ANP32A: variants seen among roughly 807,000 people sequenced by gnomAD.
ANP32A encodes acidic nuclear phosphoprotein 32 family member A.
A neutral mutation model predicts 33.9 loss-of-function variants in ANP32A; 1 was observed. That is an observed-to-expected ratio of 0.03 (90% confidence interval 0.01 to 0.14). The LOEUF (loss-of-function observed/expected upper bound fraction) is 0.14. ANP32A is among the 10% of genes least tolerant of loss of function. The pLI is 1.00. For synonymous variants in ANP32A, 115 were observed against 120.5 expected, an observed-to-expected ratio of 0.95 and a Z score of 0.30; for missense variants, 155 against 306.0, an observed-to-expected ratio of 0.51 and a Z score of 3.68.
At chr15:68,787,239 G>T in intron 3 of ANP32A, 174 bp downstream of exon 3, 1 of 890,002 alleles carries the variant, frequency 1.1e-6, no homozygotes, top group Non-Finnish European at 1.7e-6. Context: ...AACTTCTCTG[G>T]GCCTCAGTTT....
In ANP32A at chr15:68,780,564, AC is replaced by A; in HGVS notation, c.625-92del. 3 of 1,546,022 alleles carry A rather than the reference AC, an allele frequency of 1.9e-6. No homozygotes were observed. The highest frequency in any genetic ancestry group is 1.7e-6 in the Non-Finnish European group (2 of 1,151,404). The stretch of plus-strand genomic sequence containing the variant: ...CACAGAGCACAAAAAGGCCGGGGTC[AC>A]CCCCAGCCTCTCAGAGCCCCCACCA... On this transcript the variant is annotated intron_variant, in intron 5 of 6. Transcript: ENST00000465139. This position sits in a 1 kb window ranked among gnomAD's most constrained non-coding sequence, Gnocchi z 4.3.
At chr15:68,815,948 G>A (rs1202127305) in intron 1 of ANP32A, among the ~76,000 whole-genome samples, 3 of 152,148 alleles carry the variant, frequency 2.0e-5, no homozygotes, top group Non-Finnish European at 4.4e-5. Flanking sequence ...TTTTTTGGCT[G>A]CAGATGCAGA....
In ANP32A at chr15:68,779,924, G is replaced by A. The variant is rs1208794061; in HGVS notation, c.*157C>T. 1.2e-4 allele frequency: 20 copies of A among 167,164 alleles called. No individual in the cohort carries two copies. The highest frequency in any genetic ancestry group is 2.1e-4 in the Admixed American group (3 of 14,148). The allele number at this position is 167,164 out of a possible 1,614,324, so 10.4% of individuals were successfully genotyped here. On this transcript the variant is annotated 3_prime_UTR_variant, in exon 7 of 7. Transcript: ENST00000465139. ...ACCCCCACCCGCCATCCCTCCCCCC[G>A]CAACCCCCAGTACACTCTTCCCCTC...
At chr15:68,811,903 A>ATT (rs34478230) in intron 1 of ANP32A, among the ~76,000 whole-genome samples, 4,305 of 148,456 alleles carry the variant, frequency 0.029, 85 homozygotes, top group African/African-American at 0.038. Context: ...CACCCGGCTG[A>ATT]TTTTTTTTTT....
intron 4 of ANP32A, 34 bp from the exon 5 acceptor site, chr15:68,783,087 T>G (rs372967525): frequency 6.4e-7 from 1 of 1,551,276 alleles, no homozygotes; most frequent in South Asian, 1.2e-5. Context: ...GAAACAGAAC[T>G]AGTGGTGAGC....
At chr15:68,801,300 T>C (rs183507591) in intron 1 of ANP32A, among the ~76,000 whole-genome samples, 33 of 149,916 alleles carry the variant, frequency 2.2e-4, no homozygotes, top group Non-Finnish European at 3.0e-5. Flanking sequence ...TGTTTCCAGG[T>C]AGAAATGGGC....
chr15:68,797,739 C>T (rs1413047912), intron 1 of ANP32A, among the ~76,000 whole-genome samples: 2 of 152,194 alleles, frequency 1.3e-5, no homozygotes, highest in Admixed American at 6.5e-5. Flanking sequence ...AATTTTACCC[C>T]TTCTGTCCCT....
intron 1 of ANP32A, among the ~76,000 whole-genome samples, chr15:68,792,627 C>T (rs1163873340): frequency 2.0e-5 from 3 of 152,204 alleles, no homozygotes; most frequent in Non-Finnish European, 4.4e-5. Context: ...GGCCTTTCCC[C>T]TCTGTTCCCA....
intron 1 of ANP32A, among the ~76,000 whole-genome samples, chr15:68,810,726 T>C (rs1894299815): frequency 6.6e-6 from 1 of 152,094 alleles, no homozygotes; most frequent in Non-Finnish European, 1.5e-5. Context: ...CCGTAGAAGA[T>C]ATACCAGAGA....
At chr15:68,792,216 C>T (rs1261241789) in intron 1 of ANP32A, 2 of 152,076 alleles carry the variant, frequency 1.3e-5, no homozygotes, top group East Asian at 3.8e-4. Flanking sequence ...AAAATTTGTA[C>T]TTTTGTAGAC....
rs79036098 is a variant in ANP32A at position 68,787,997 on chromosome 15, G to A, written c.55-78C>T. 1.9e-3 allele frequency: 2,919 copies of A among 1,544,886 alleles called. 41 individuals are homozygous for A. In the African/African-American group the frequency reaches 0.037, roughly 19 times the overall value. ...GGGGAGGGTGTTAGAGGACTCCTCAGAGAACAGGGAGACAGACGCAGGAAG... is the reference window on the plus strand; with the variant it reads ...GGGGAGGGTGTTAGAGGACTCCTCAAAGAACAGGGAGACAGACGCAGGAAG... On this transcript the variant is annotated intron_variant, in intron 1 of 6. Transcript: ENST00000465139.
At chr15:68,819,269 A>G (rs1308449116) in intron 1 of ANP32A, among the ~76,000 whole-genome samples, 1 of 151,862 alleles carries the variant, frequency 6.6e-6, no homozygotes, top group Non-Finnish European at 1.5e-5. Flanking sequence ...CCAAGGGGCC[A>G]AGAGGGGAGC....
intron 1 of ANP32A, among the ~76,000 whole-genome samples, chr15:68,795,298 G>C (rs1894049141): frequency 2.0e-5 from 3 of 152,268 alleles, no homozygotes; most frequent in South Asian, 4.1e-4. Context: ...CAAGAAAAAA[G>C]CATCCACGTC....
chr15:68,793,846 C>T (rs1198534471), intron 1 of ANP32A, among the ~76,000 whole-genome samples: 2 of 152,178 alleles, frequency 1.3e-5, no homozygotes, highest in Non-Finnish European at 2.9e-5. Flanking sequence ...GGGTCACATG[C>T]CTGTGAAGCT....
At chr15:68,793,653 G>A (rs1445076042) in intron 1 of ANP32A, among the ~76,000 whole-genome samples, 2 of 152,196 alleles carry the variant, frequency 1.3e-5, no homozygotes, top group Non-Finnish European at 2.9e-5. Context: ...CTACCAGATA[G>A]AACAGGCATG....
At chr15:68,787,612 C>G in intron 2 of ANP32A, 77 bp from the exon 3 acceptor site, 2 of 1,605,658 alleles carry the variant, frequency 1.2e-6, no homozygotes, top group South Asian at 2.2e-5. Flanking sequence ...CCCGGCTTTC[C>G]CCAGACGGGC....
At chr15:68,804,984 T>G (rs1355965636) in intron 1 of ANP32A, among the ~76,000 whole-genome samples, 1 of 152,216 alleles carries the variant, frequency 6.6e-6, no homozygotes, top group Non-Finnish European at 1.5e-5. Context: ...ATTGGCCAAT[T>G]ATAGCTCAGT....
Position 68,780,328 on chromosome 15 carries a change from A to C in ANP32A, c.688+82T>G. On this transcript the variant is annotated intron_variant, in intron 6 of 6. Coordinates refer to ENST00000465139, the MANE Select transcript of ANP32A (RefSeq NM_006305.4). The surrounding 1 kb of genome is among the most constrained non-coding windows in gnomAD (Gnocchi z 4.3). ...TGACAGGAGTGTCCTGCCCACTGCC[A>C]GGGGCCTCTGAGTCTAAGCAATCTA... 6.2e-7 allele frequency: 1 copy of C among 1,606,474 alleles called. No individual in the cohort carries two copies. The highest frequency in any genetic ancestry group is 8.5e-7 in the Non-Finnish European group (1 of 1,176,234).
intron 1 of ANP32A, chr15:68,791,641 C>A (rs952037951): frequency 9.8e-5 from 15 of 152,876 alleles, no homozygotes; most frequent in African/African-American, 3.4e-4. Flanking sequence ...GTTGCTTCCA[C>A]TCCCTTGGGA....
Sources: allele counts gnomAD v4.1 joint callset (sites outside exome capture counted in the v4.1 genomes callset), GRCh38; gene constraint gnomAD v4.1.1; non-coding constraint Gnocchi (gnomAD v3.1); transcripts MANE v1.5; gene names NCBI Gene and HGNC (gene_info 2026-07-23, HGNC 2026-07-21).